CRYZL1: variants seen among roughly 807,000 people sequenced by gnomAD.
CRYZL1 encodes the protein crystallin zeta like 1.
Under a neutral mutation model 50.6 loss-of-function variants are expected in CRYZL1, and 34 were observed. The ratio of observed to expected loss-of-function variants is 0.67; its 90% CI spans 0.51 to 0.89. CRYZL1 has a LOEUF of 0.89. Ranked by LOEUF, CRYZL1 falls within the 40% of genes least tolerant of loss-of-function variation. The probability of loss-of-function intolerance (pLI) is 0.00; values close to 1 mark genes in which losing one functional copy is unlikely to be tolerated. For missense variants in CRYZL1, 354 were observed against 402.3 expected (o/e 0.88, Z 1.03); for synonymous variants, 125 against 134.3 (o/e 0.93, Z 0.48).
At chr21:33,618,097 G>A (rs1055121747) in intron 4 of CRYZL1, among the ~76,000 whole-genome samples, 8 of 151,982 alleles carry the variant, frequency 5.3e-5, no homozygotes, top group Admixed American at 2.0e-4. Flanking sequence ...AGACCATCCC[G>A]GCTAACACGG....
intron 9 of CRYZL1, 116 bp from the exon 10 acceptor site, chr21:33,597,517 T>C: frequency 1.2e-6 from 1 of 839,334 alleles, no homozygotes; most frequent in Non-Finnish European, 1.8e-6. Flanking sequence ...GGTCTTACTA[T>C]GTTGCCCAGG....
rs752772127 is a variant in CRYZL1 at position 33,622,054 on chromosome 21, C to T, written c.159G>A (p.Met53Ile). 1.1e-5 allele frequency: 17 copies of T among 1,612,564 alleles called. No homozygotes were observed. Among genetic ancestry groups the T allele is most frequent in the South Asian group, 9.9e-5 (9 of 90,938 alleles). ...CAGGAAATAAATCCTTTTTCATCTT[C>T]ATTTCTGCCAGAAGCTAAATCATGA... ...SQINTKLLAE[M>I]KMKKDLFPVG... is the part of the protein sequence containing the mutation. The change falls in exon 4 of 13, where the codon ATG becomes ATA. Residue 53 changes from methionine (M) to isoleucine (I), a missense_variant. Coordinates refer to ENST00000381554, the MANE Select transcript of CRYZL1 (RefSeq NM_145858.3).
intron 8 of CRYZL1, among the ~76,000 whole-genome samples, chr21:33,600,479 T>A (rs1601328582): frequency 6.6e-6 from 1 of 152,122 alleles, no homozygotes; most frequent in Non-Finnish European, 1.5e-5. Context: ...CTGCTCAGAT[T>A]AGTGGTGTAG....
intron 1 of CRYZL1, among the ~76,000 whole-genome samples, chr21:33,632,420 C>T (rs919262001): frequency 6.6e-6 from 1 of 151,904 alleles, no homozygotes; most frequent in Admixed American, 6.6e-5. Flanking sequence ...CCCTATTGCC[C>T]AGGCTGGAGT....
At chr21:33,632,918 A>T (rs1249335236) in intron 1 of CRYZL1, among the ~76,000 whole-genome samples, 2 of 152,170 alleles carry the variant, frequency 1.3e-5, no homozygotes, top group Non-Finnish European at 2.9e-5. Context: ...CCTCCTAAGG[A>T]GACCCAATAT....
chr21:33,593,329 A>G (rs2086661975), intron 11 of CRYZL1, among the ~76,000 whole-genome samples: 1 of 151,952 alleles, frequency 6.6e-6, no homozygotes, highest in Admixed American at 6.6e-5. Flanking sequence ...GATGGTCTCA[A>G]TCTCCTGACC....
chr21:33,638,338 G>A (rs1480135231), intron 1 of CRYZL1, among the ~76,000 whole-genome samples: 4 of 150,986 alleles, frequency 2.6e-5, no homozygotes, highest in Non-Finnish European at 5.9e-5. Flanking sequence ...CCAGCCTCCC[G>A]AGTAGCTGGG....
intron 10 of CRYZL1, chr21:33,596,294 G>T: frequency 2.7e-6 from 1 of 375,402 alleles, no homozygotes. Flanking sequence ...GAAATATTTT[G>T]CTAAGTATAT....
chr21:33,634,507 C>T (rs1018423260), intron 1 of CRYZL1, among the ~76,000 whole-genome samples: 1 of 151,960 alleles, frequency 6.6e-6, no homozygotes, highest in African/African-American at 2.4e-5. Flanking sequence ...CCATGCTTCC[C>T]GATTTCATTA....
intron 2 of CRYZL1, among the ~76,000 whole-genome samples, chr21:33,625,216 C>T (rs1243166284): frequency 1.3e-5 from 2 of 150,678 alleles, no homozygotes; most frequent in Admixed American, 6.6e-5. Flanking sequence ...AGTGCGGTGG[C>T]GCGATCTCGG....
chr21:33,619,544 G>A (rs978293134), intron 4 of CRYZL1, among the ~76,000 whole-genome samples: 5 of 152,178 alleles, frequency 3.3e-5, no homozygotes, highest in Admixed American at 6.5e-5. Context: ...TGCAATATTC[G>A]AAGGATAATT....
chr21:33,640,240 C>G, intron 1 of CRYZL1: 3 of 1,544,076 alleles, frequency 1.9e-6, no homozygotes, highest in Non-Finnish European at 2.6e-6. Flanking sequence ...ACAAGGCTGG[C>G]AGCTTTATCT....
intron 1 of CRYZL1, among the ~76,000 whole-genome samples, chr21:33,636,809 T>C (rs1467793170): frequency 2.0e-5 from 3 of 152,096 alleles, no homozygotes; most frequent in Non-Finnish European, 4.4e-5. Flanking sequence ...AAGAAGCTCA[T>C]CTATTCTTTT....
chr21:33,592,128 A>G (rs535966332), intron 11 of CRYZL1, among the ~76,000 whole-genome samples: 1 of 146,704 alleles, frequency 6.8e-6, no homozygotes, highest in African/African-American at 2.5e-5. Flanking sequence ...TTGTCGTATT[A>G]TTACTTTTTC....
chr21:33,596,798 C>G lies in CRYZL1; in HGVS notation c.798+482G>C, dbSNP rs372557781. On this transcript the variant is annotated intron_variant, in intron 10 of 12. Coordinates refer to ENST00000381554, the MANE Select transcript of CRYZL1 (RefSeq NM_145858.3). Reference sequence around the variant, plus strand: ...GTTGCTAAAGTGAAAAAAAAAGCTACATTTCTTTCTGATATAAAATATGGA... The same window carrying G: ...GTTGCTAAAGTGAAAAAAAAAGCTAGATTTCTTTCTGATATAAAATATGGA... Among the ~76,000 whole-genome samples, 23 of 150,956 alleles carry G rather than the reference C, an allele frequency of 1.5e-4. No individual in the cohort carries two copies. In the East Asian group the frequency reaches 3.9e-3, roughly 25 times the overall value.
At chr21:33,594,320 A>ATT (rs879901753) in intron 11 of CRYZL1, among the ~76,000 whole-genome samples, 5 of 141,446 alleles carry the variant, frequency 3.5e-5, no homozygotes, top group African/African-American at 1.3e-4. Context: ...CACCCAACTA[A>ATT]TTTTTTTTTT....
rs769688247 is a variant in CRYZL1 at position 33,616,612 on chromosome 21, A to G, written c.262+94T>C. The G allele has an allele frequency of 4.4e-6, 7 of 1,591,740 alleles. No individual in the cohort carries two copies. In the South Asian group the frequency reaches 6.7e-5, roughly 15 times the overall value. On this transcript the variant is annotated intron_variant, in intron 5 of 12. Coordinates refer to ENST00000381554, the MANE Select transcript of CRYZL1 (RefSeq NM_145858.3). ...CAGCCGGGAAAGTACTTCTATATGAAGCAAGGTCACAGTGAACATTAATAG... is the reference window on the plus strand; with the variant it reads ...CAGCCGGGAAAGTACTTCTATATGAGGCAAGGTCACAGTGAACATTAATAG...
intron 4 of CRYZL1, chr21:33,617,011 G>A: frequency 4.3e-6 from 1 of 234,514 alleles, no homozygotes; most frequent in Non-Finnish European, 8.2e-6. Flanking sequence ...TGCCTATTTA[G>A]TTGACTTTAT....
In CRYZL1 at chr21:33,602,271, T is replaced by C. The variant is rs907849601; in HGVS notation, c.540A>G (p.Glu180=). 1 of 1,611,800 alleles carries C rather than the reference T, an allele frequency of 6.2e-7. No homozygotes were observed. The highest frequency in any genetic ancestry group is 8.5e-7 in the Non-Finnish European group (1 of 1,177,850). ...TGAATCTTTCAAGGCACTGCTTATC[T>C]TCAAGGCTGCATGCTGTTGAAATCA... ...AKVISTACSL[E]DKQCLERFRP... Residue 180 remains glutamate (E), a synonymous_variant, in exon 8 of 13, where the codon GAA becomes GAG. Coordinates refer to ENST00000381554, the MANE Select transcript of CRYZL1 (RefSeq NM_145858.3).
Sources: gnomAD v4.1 joint callset for allele counts (sites outside exome capture counted in the v4.1 genomes callset) on GRCh38, gnomAD v4.1.1 for gene constraint, MANE v1.5 for transcripts, NCBI Gene and HGNC (gene_info 2026-07-23, HGNC 2026-07-21) for gene names.